The following RGSL1 variants were observed in gnomAD, a reference collection of about 807,000 sequenced individuals.
The protein encoded by RGSL1 is regulator of G protein signaling like 1, also known as regulator of G protein signaling protein-like.
In RGSL1, 97 loss-of-function variants were observed where a neutral mutation model predicts 124.7. That is an observed-to-expected ratio of 0.78 (90% confidence interval 0.66 to 0.92). The LOEUF (loss-of-function observed/expected upper bound fraction) is 0.92, where lower values mean the gene tolerates loss of function less well. Ranked by LOEUF, RGSL1 falls within the 40% of genes least tolerant of loss-of-function variation. The pLI is 0.00. For synonymous variants in RGSL1, 424 were observed against 438.1 expected (o/e 0.97, Z 0.40); for missense variants, 1,233 against 1,288.4 (o/e 0.96, Z 0.66).
chr1:182,479,530 A>G (rs1027408741), intron 6 of RGSL1, among the ~76,000 whole-genome samples: 6 of 152,198 alleles, frequency 3.9e-5, no homozygotes, highest in African/African-American at 1.4e-4. Flanking sequence ...AATAAAGTAT[A>G]TCACTACAAA....
Position 182,540,268 on chromosome 1 carries a change from C to T in RGSL1, c.2516C>T (p.Thr839Ile), listed in dbSNP as rs999982008. Residue 839 changes from threonine to isoleucine, a missense_variant, in exon 15 of 22, where the codon ACA becomes ATA. Transcript: ENST00000294854. ...SKENFTTAHN[T>I]SGRSAPPSTN... ...TCAGATTTCACCACAGCACACAACA[C>T]ATCGGGACGTTCAGCTCCACCCTCC... 9.7e-6 allele frequency: 15 copies of T among 1,550,606 alleles called. No homozygotes were observed. In the Admixed American group the frequency reaches 3.0e-4, roughly 31 times the overall value.
intron 9 of RGSL1, among the ~76,000 whole-genome samples, chr1:182,511,625 A>G (rs1365688329): frequency 1.3e-5 from 2 of 152,118 alleles, no homozygotes; most frequent in African/African-American, 4.8e-5. Flanking sequence ...ATCTGTTTCC[A>G]TGGTGCTGAT....
chr1:182,505,992 T>C (rs930668543), intron 9 of RGSL1, among the ~76,000 whole-genome samples: 2 of 152,212 alleles, frequency 1.3e-5, no homozygotes, highest in Non-Finnish European at 2.9e-5. Context: ...TATTACCTTA[T>C]TGCTCTTACT....
intron 21 of RGSL1, among the ~76,000 whole-genome samples, chr1:182,557,023 AGGATGAAAAAG>A (rs1660905520): frequency 6.6e-6 from 1 of 152,198 alleles, no homozygotes; most frequent in South Asian, 2.1e-4. Flanking sequence ...ACTTTTCACA[AGGATGAAAAAG>A]GTGATGTTGG....
intron 9 of RGSL1, among the ~76,000 whole-genome samples, chr1:182,500,952 C>T (rs1656307732): frequency 6.6e-6 from 1 of 152,136 alleles, no homozygotes; most frequent in Non-Finnish European, 1.5e-5. Flanking sequence ...AATAGCTTTG[C>T]TTGTTCCTTC....
Position 182,556,104 on chromosome 1 carries a change from T to G in RGSL1, c.*47T>G. The G allele has an allele frequency of 6.6e-7, 1 of 1,513,994 alleles. No homozygotes were observed. The highest frequency in any genetic ancestry group is 8.9e-7 in the Non-Finnish European group (1 of 1,119,550). The allele number at this position is 1,513,994 out of a possible 1,614,324, so 93.8% of individuals were successfully genotyped here. A position where few individuals can be genotyped will look rare whatever the true frequency, so the allele number is the denominator to read the frequency against. On this transcript the variant is annotated 3_prime_UTR_variant, in exon 21 of 22. Transcript: ENST00000294854. ...GATAAATCATCTCTTAGAGGCCTCC[T>G]AACACTGACAGAAACTTTTCTGGTC...
chr1:182,478,400 T>C (rs2102055814), intron 6 of RGSL1, among the ~76,000 whole-genome samples: 1 of 152,202 alleles, frequency 6.6e-6, no homozygotes, highest in Non-Finnish European at 1.5e-5. Context: ...CTGACAAATA[T>C]AATGACTCAA....
chr1:182,489,595 G>A (rs1397434367), intron 8 of RGSL1, among the ~76,000 whole-genome samples: 3 of 152,152 alleles, frequency 2.0e-5, no homozygotes, highest in African/African-American at 7.2e-5. Context: ...GGGTCCAAGC[G>A]CATTTCTGTG....
chr1:182,474,635 C>T, intron 6 of RGSL1, 93 bp downstream of exon 6: 9 of 1,419,738 alleles, frequency 6.3e-6, no homozygotes, highest in Non-Finnish European at 8.3e-6. Context: ...GGCTAAGTGA[C>T]TATATAATTA....
chr1:182,534,308 A>T (rs1159395585), intron 14 of RGSL1, among the ~76,000 whole-genome samples: 1 of 152,180 alleles, frequency 6.6e-6, no homozygotes, highest in East Asian at 1.9e-4. Flanking sequence ...CATTTTAAAA[A>T]CTGCCAACCT....
chr1:182,502,402 C>A (rs189763178), intron 9 of RGSL1, among the ~76,000 whole-genome samples: 59 of 152,092 alleles, frequency 3.9e-4, no homozygotes, highest in African/African-American at 1.3e-3. Flanking sequence ...ATAATGAGAC[C>A]CTGTCTCTAC....
chr1:182,461,360 C>T (rs965692757), intron 4 of RGSL1, among the ~76,000 whole-genome samples: 1 of 151,408 alleles, frequency 6.6e-6, no homozygotes, highest in East Asian at 1.9e-4. Context: ...ACAACAAAAA[C>T]CCCCCCAGCA....
At chr1:182,469,936 T>C (rs1214256206) in intron 4 of RGSL1, among the ~76,000 whole-genome samples, 1 of 152,148 alleles carries the variant, frequency 6.6e-6, no homozygotes. Context: ...ATTTCACTTA[T>C]ATGAGGTACT....
At position 182,533,565 on chromosome 1, in the gene RGSL1, A is replaced by G. The variant is rs144951556; in HGVS notation, c.2494+774A>G. Among the ~76,000 whole-genome samples, 29 of 152,328 alleles carry G rather than the reference A, an allele frequency of 1.9e-4. No individual in the cohort carries two copies. The East Asian group carries it at 4.6e-3, about 24-fold the overall frequency. On this transcript the variant is annotated intron_variant, in intron 14 of 21. Transcript: ENST00000294854. The stretch of plus-strand genomic sequence containing the variant: ...CACCTACAGATTTCAAACAGAAAAT[A>G]CAAGCCACAGATGTTGGAGCCGGAG...
rs941970465 is a variant in RGSL1, at chr1:182,548,769, G to A, written c.2878G>A (p.Val960Ile). The A allele has an allele frequency of 1.1e-4, 177 of 1,551,634 alleles. No individual in the cohort carries two copies. Among genetic ancestry groups the A allele is most frequent in the East Asian group, 2.0e-4 (8 of 40,914 alleles). The part of the protein sequence containing the change: ...AITEGYLDRS[V>I]FHGAIMSVFP... ...CACAGAGGGCTACCTAGATCGGAGC[G>A]TCTTCCATGGGGCTATCATGTCTGT... The change falls in exon 17 of 22, where the codon GTC (valine) becomes ATC (isoleucine). Residue 960 changes from valine (V) to isoleucine (I), a missense_variant. Coordinates refer to ENST00000294854, the MANE Select transcript of RGSL1 (RefSeq NM_001137669.2).
At chr1:182,554,523 G>A in intron 19 of RGSL1, 104 bp from the exon 20 acceptor site, 1 of 916,196 alleles carries the variant, frequency 1.1e-6, no homozygotes, top group Non-Finnish European at 1.7e-6. Context: ...CATTGGAGGT[G>A]TCCGTGGAAG....
At chr1:182,543,018 C>T (rs1659986442) in intron 15 of RGSL1, among the ~76,000 whole-genome samples, 1 of 152,070 alleles carries the variant, frequency 6.6e-6, no homozygotes, top group Non-Finnish European at 1.5e-5. Context: ...TGACTTCTTC[C>T]TTTCCAGTTT....
upstream of RGSL1, among the ~76,000 whole-genome samples, chr1:182,449,587 A>G (rs1394175790): frequency 6.6e-6 from 1 of 152,216 alleles, no homozygotes; most frequent in Non-Finnish European, 1.5e-5. Context: ...AAGAGCCTGA[A>G]GAGTCTTCAG....
At chr1:182,452,837 C>T (rs1228872097) in intron 1 of RGSL1, among the ~76,000 whole-genome samples, 1 of 152,188 alleles carries the variant, frequency 6.6e-6, no homozygotes, top group Non-Finnish European at 1.5e-5. Flanking sequence ...TTTCTTATAT[C>T]ATAACTACAT....
Sources: allele counts gnomAD v4.1 joint callset (sites outside exome capture counted in the v4.1 genomes callset), GRCh38; gene constraint gnomAD v4.1.1; transcripts MANE v1.5; gene names NCBI Gene and HGNC (gene_info 2026-07-23, HGNC 2026-07-21).